Variants in CLPSL1 observed in about 807,000 individuals in gnomAD.
CLPSL1 encodes the protein colipase like 1, also known as colipase-like protein 1.
A neutral mutation model predicts 9.3 loss-of-function variants in CLPSL1; 13 were observed. The ratio of observed to expected loss-of-function variants is 1.40; its 90% CI spans 0.91 to 2.22. CLPSL1 has a LOEUF of 2.22. CLPSL1 is among the 30% of genes most tolerant of loss of function. CLPSL1 has a pLI of 0.00. For synonymous variants in CLPSL1, 58 were observed against 56.9 expected, an observed-to-expected ratio of 1.02 and a Z score of -0.08; for missense variants, 164 against 146.6, an observed-to-expected ratio of 1.12 and a Z score of -0.61.
exon 2 of CLPSL1, chr6:35,793,654 T>G (rs1189415522): frequency 2.2e-6 from 1 of 455,038 alleles, no homozygotes; most frequent in Non-Finnish European, 4.6e-6. Flanking sequence ...GAAATATACG[T>G]TCCTATTTGC....
downstream of CLPSL1, among the ~76,000 whole-genome samples, chr6:35,792,085 T>TC (rs1235269190): frequency 2.1e-5 from 3 of 139,988 alleles, no homozygotes; most frequent in Non-Finnish European, 4.8e-5. Context: ...GACTCCATCT[T>TC]CCCCCCGCCA....
At chr6:35,788,679 G>A (rs1768136657), downstream of CLPSL1, among the ~76,000 whole-genome samples, 1 of 152,262 alleles carries the variant, frequency 6.6e-6, no homozygotes, top group African/African-American at 2.4e-5. Context: ...AGAGAAAAGA[G>A]GGACAAGAAA....
At chr6:35,789,051 G>A (rs1768143039), downstream of CLPSL1, among the ~76,000 whole-genome samples, 1 of 152,258 alleles carries the variant, frequency 6.6e-6, no homozygotes, top group South Asian at 2.1e-4. Context: ...GCAAAACGAT[G>A]TGAACCATAC....
At chr6:35,781,388 G>T (rs1259640016) in intron 1 of CLPSL1, among the ~76,000 whole-genome samples, 179 bp downstream of exon 1, 1 of 152,184 alleles carries the variant, frequency 6.6e-6, no homozygotes, top group Non-Finnish European at 1.5e-5. Context: ...TGGAAGCTGT[G>T]CCAGGGCAGT....
chr6:35,788,216 G>A (rs1284784101), downstream of CLPSL1: 19 of 578,184 alleles, frequency 3.3e-5, no homozygotes, highest in East Asian at 5.1e-4. Context: ...AGGTTTCTGG[G>A]GGGTGGGGAG....
chr6:35,786,973 G>T, intron 1 of CLPSL1, 25 bp from the exon 2 acceptor site: 3 of 1,560,078 alleles, frequency 1.9e-6, no homozygotes, highest in Non-Finnish European at 1.7e-6. Context: ...GGTGGAGCCT[G>T]GCGGTGCCGT....
downstream of CLPSL1, among the ~76,000 whole-genome samples, chr6:35,791,003 C>A (rs1213918433): frequency 6.6e-6 from 1 of 151,474 alleles, no homozygotes; most frequent in Non-Finnish European, 1.5e-5. Flanking sequence ...CATGGTCGCA[C>A]CACTGCATTC....
intron 1 of CLPSL1, among the ~76,000 whole-genome samples, chr6:35,782,580 G>C (rs571367015): frequency 2.0e-5 from 3 of 152,334 alleles, no homozygotes; most frequent in Non-Finnish European, 2.9e-5. Context: ...GAGGCAGGAG[G>C]GGGAGGCAGC....
chr6:35,786,274 T>C (rs2151061058), intron 1 of CLPSL1, among the ~76,000 whole-genome samples: 1 of 152,094 alleles, frequency 6.6e-6, no homozygotes, highest in East Asian at 1.9e-4. Context: ...GAAAAGAAAA[T>C]TTAAATTCAG....
downstream of CLPSL1, among the ~76,000 whole-genome samples, chr6:35,792,311 G>A (rs1733711780): frequency 6.6e-6 from 1 of 152,182 alleles, no homozygotes; most frequent in African/African-American, 2.4e-5. Flanking sequence ...CTAACCTACT[G>A]AATATCATAG....
At chr6:35,793,014 G>A (rs1768250271), downstream of CLPSL1, among the ~76,000 whole-genome samples, 1 of 152,276 alleles carries the variant, frequency 6.6e-6, no homozygotes, top group Non-Finnish European at 1.5e-5. Context: ...CCCAGGAGAA[G>A]GATCTTATTC....
intron 1 of CLPSL1, among the ~76,000 whole-genome samples, chr6:35,785,326 C>T (rs1365484443): frequency 4.0e-5 from 6 of 151,816 alleles, no homozygotes; most frequent in East Asian, 1.9e-4. Flanking sequence ...TACAGGCACC[C>T]GCCACCACGC....
chr6:35,787,094 T>A lies in CLPSL1; in HGVS notation c.196T>A (p.Ser66Thr). The change falls in exon 2 of 3, where the codon TCC becomes ACC. Residue 66 changes from serine (S) to threonine (T), a missense_variant. Physicochemically the swap from Ser to Thr is moderately conservative, Grantham distance 58. Transcript: ENST00000373861. The part of the protein sequence containing the change: ...NCESHCAEKG[S>T]EGSLCQTQVF... ...CGAGTCGCACTGCGCGGAGAAGGGGTCCGAGGGCAGTCTGTGTCAAACGCA... is the reference window on the plus strand; with the variant it reads ...CGAGTCGCACTGCGCGGAGAAGGGGACCGAGGGCAGTCTGTGTCAAACGCA... 1 of 1,611,174 alleles carries A rather than the reference T, an allele frequency of 6.2e-7. No homozygotes were observed. Among genetic ancestry groups the A allele is most frequent in the South Asian group, 1.1e-5 (1 of 90,110 alleles).
downstream of CLPSL1, among the ~76,000 whole-genome samples, chr6:35,789,727 G>T (rs2151062815): frequency 6.6e-6 from 1 of 152,292 alleles, no homozygotes; most frequent in East Asian, 1.9e-4. Context: ...AACCCCATCT[G>T]TACTAAAAAT....
intron 1 of CLPSL1, among the ~76,000 whole-genome samples, chr6:35,782,074 G>C (rs1005977757): frequency 1.3e-5 from 2 of 152,084 alleles, no homozygotes; most frequent in Admixed American, 1.3e-4. Context: ...TTTAAATGGG[G>C]TGCTCAGGGA....
chr6:35,785,810 C>T (rs1213824407), intron 1 of CLPSL1, among the ~76,000 whole-genome samples: 1 of 151,942 alleles, frequency 6.6e-6, no homozygotes, highest in Non-Finnish European at 1.5e-5. Context: ...ATTAGCTGGG[C>T]ATGGTGGTGT....
At chr6:35,786,252 C>CA (rs1385627378) in intron 1 of CLPSL1, among the ~76,000 whole-genome samples, 3 of 151,594 alleles carry the variant, frequency 2.0e-5, no homozygotes, top group African/African-American at 7.3e-5. Context: ...GACTCCATCT[C>CA]AAAAAAAAGA....
At chr6:35,785,497 T>G (rs1210682368) in intron 1 of CLPSL1, among the ~76,000 whole-genome samples, 1 of 151,788 alleles carries the variant, frequency 6.6e-6, no homozygotes, top group African/African-American at 2.4e-5. Context: ...AAATTCATAC[T>G]CCTCCATTTT....
intron 1 of CLPSL1, among the ~76,000 whole-genome samples, 174 bp from the exon 2 acceptor site, chr6:35,786,824 G>T (rs1301549114): frequency 6.6e-6 from 1 of 152,276 alleles, no homozygotes; most frequent in African/African-American, 2.4e-5. Context: ...GGCATCCACC[G>T]TCTGCACAGA....
Sources: allele counts gnomAD v4.1 joint callset (sites outside exome capture counted in the v4.1 genomes callset), GRCh38; gene constraint gnomAD v4.1.1; transcripts MANE v1.5; gene names NCBI Gene and HGNC (gene_info 2026-07-23, HGNC 2026-07-21).